Variants in NEGR1 observed in about 807,000 individuals in gnomAD.
NEGR1 encodes the protein neuronal growth regulator 1.
NEGR1 carries 10 observed loss-of-function variants against 40.9 expected under a neutral mutation model. That is an observed-to-expected ratio of 0.24 (90% CI 0.15 to 0.42). The LOEUF is 0.42. Among genes scored for constraint, NEGR1 ranks in the 10% least tolerant of loss-of-function variants. The probability of loss-of-function intolerance (pLI) is 1.00; values close to 1 mark genes in which losing one functional copy is unlikely to be tolerated. For synonymous variants in NEGR1, 185 were observed against 166.8 expected (o/e 1.11, Z -0.84); for missense variants, 352 against 438.9 (o/e 0.80, Z 1.77).
At chr1:72,082,521 T>C (rs1370828590) in intron 1 of NEGR1, among the ~76,000 whole-genome samples, 2 of 152,132 alleles carry the variant, frequency 1.3e-5, no homozygotes, top group South Asian at 2.1e-4. Context: ...AGTTACATTA[T>C]CTGAGGACAC....
chr1:71,611,851 T>C (rs1045300190), intron 4 of NEGR1, among the ~76,000 whole-genome samples: 3 of 152,202 alleles, frequency 2.0e-5, no homozygotes, highest in African/African-American at 7.2e-5. Context: ...TCCCTATTGC[T>C]CTAGCTGGAA....
At chr1:71,984,938 A>G (rs977956894) in intron 1 of NEGR1, among the ~76,000 whole-genome samples, 2 of 152,188 alleles carry the variant, frequency 1.3e-5, no homozygotes, top group Non-Finnish European at 2.9e-5. Flanking sequence ...TACATATATT[A>G]TAAATAAATA....
At chr1:71,524,242 T>TA (rs1647189109) in intron 6 of NEGR1, among the ~76,000 whole-genome samples, 2 of 151,664 alleles carry the variant, frequency 1.3e-5, no homozygotes, top group South Asian at 2.1e-4. Context: ...TATAGATGCC[T>TA]TCTCTAACTA....
intron 1 of NEGR1, among the ~76,000 whole-genome samples, chr1:72,120,618 T>C (rs1649764157): frequency 6.6e-6 from 1 of 152,008 alleles, no homozygotes. Context: ...CACTAACTCG[T>C]CATCTAGCAT....
intron 5 of NEGR1, among the ~76,000 whole-genome samples, chr1:71,602,728 T>G (rs1649965412): frequency 2.0e-5 from 3 of 152,188 alleles, no homozygotes; most frequent in African/African-American, 4.8e-5. Context: ...TTTTCTTACT[T>G]AGTACTTATT....
At chr1:71,600,431 C>A (rs1367491633) in intron 5 of NEGR1, among the ~76,000 whole-genome samples, 1 of 152,082 alleles carries the variant, frequency 6.6e-6, no homozygotes, top group Non-Finnish European at 1.5e-5. Flanking sequence ...TGAAGAGCTC[C>A]CTCCCAGGTA....
intron 1 of NEGR1, among the ~76,000 whole-genome samples, chr1:72,170,989 A>G (rs907913502): frequency 7.9e-5 from 12 of 152,186 alleles, no homozygotes; most frequent in Non-Finnish European, 1.5e-5. Context: ...TAGATGAGAC[A>G]GAAAGGTTAC....
intron 1 of NEGR1, among the ~76,000 whole-genome samples, chr1:72,245,605 A>C (rs1284386230): frequency 2.0e-5 from 3 of 152,206 alleles, no homozygotes; most frequent in Non-Finnish European, 4.4e-5. Context: ...ATAGAAGAAT[A>C]ATATTTTTGG....
intron 6 of NEGR1, among the ~76,000 whole-genome samples, chr1:71,420,671 C>T (rs1646388417): frequency 6.6e-6 from 1 of 151,992 alleles, no homozygotes; most frequent in South Asian, 2.1e-4. Flanking sequence ...CCAGAAGACA[C>T]TCAAGTCTGG....
intron 1 of NEGR1, among the ~76,000 whole-genome samples, chr1:72,196,772 A>AT (rs1448264016): frequency 2.8e-4 from 43 of 151,850 alleles, no homozygotes; most frequent in African/African-American, 1.0e-3. Flanking sequence ...TAAAAAAAAA[A>AT]AAAAATCACT....
intron 1 of NEGR1, among the ~76,000 whole-genome samples, chr1:72,192,438 A>G (rs1216703526): frequency 2.6e-5 from 4 of 151,958 alleles, no homozygotes; most frequent in Non-Finnish European, 5.9e-5. Flanking sequence ...AATATACTCT[A>G]GGAACAACAT....
intron 2 of NEGR1, among the ~76,000 whole-genome samples, chr1:71,896,035 CTTTT>C (rs71074810): frequency 2.3e-3 from 253 of 111,182 alleles, no homozygotes; most frequent in Non-Finnish European, 3.1e-3. Flanking sequence ...TAACGTTTAA[CTTTT>C]TTTTTTTTTT....
intron 3 of NEGR1, among the ~76,000 whole-genome samples, chr1:71,754,166 G>A (rs1655657577): frequency 1.3e-5 from 2 of 152,146 alleles, no homozygotes; most frequent in Non-Finnish European, 2.9e-5. Context: ...GCAGAGCTGA[G>A]GAAGTGGAGT....
At chr1:72,115,409 C>T (rs1348457338) in intron 1 of NEGR1, among the ~76,000 whole-genome samples, 2 of 151,654 alleles carry the variant, frequency 1.3e-5, no homozygotes, top group African/African-American at 4.8e-5. Context: ...TCTTTTTAAT[C>T]CCTACAATTG....
chr1:72,042,298 C>G (rs921160364), intron 1 of NEGR1, among the ~76,000 whole-genome samples: 1 of 151,694 alleles, frequency 6.6e-6, no homozygotes, highest in East Asian at 1.9e-4. Context: ...GGATAGAAAG[C>G]CAGCCTGGGA....
At chr1:71,953,538 A>G (rs951869940) in intron 1 of NEGR1, among the ~76,000 whole-genome samples, 1 of 152,038 alleles carries the variant, frequency 6.6e-6, no homozygotes, top group Non-Finnish European at 1.5e-5. Flanking sequence ...TGATAAAACA[A>G]CAACAGGATT....
At chr1:71,693,411 G>A (rs1025307778) in intron 4 of NEGR1, among the ~76,000 whole-genome samples, 1 of 151,608 alleles carries the variant, frequency 6.6e-6, no homozygotes, top group African/African-American at 2.4e-5. Context: ...ACCTTTTTAT[G>A]GACCAGGTAC....
intron 2 of NEGR1, among the ~76,000 whole-genome samples, chr1:71,920,511 A>G (rs1645707588): frequency 6.6e-6 from 1 of 152,116 alleles, no homozygotes; most frequent in Non-Finnish European, 1.5e-5. Context: ...TGTGCCCTAT[A>G]TATACATCTG....
At chr1:72,229,411 A>C (rs1421574097) in intron 1 of NEGR1, among the ~76,000 whole-genome samples, 1 of 148,714 alleles carries the variant, frequency 6.7e-6, no homozygotes, top group East Asian at 1.9e-4. Context: ...AGGTATCAAT[A>C]GCACATTCTA....
Sources: gnomAD v4.1 joint callset for allele counts (sites outside exome capture counted in the v4.1 genomes callset) on GRCh38, gnomAD v4.1.1 for gene constraint, MANE v1.5 for transcripts, NCBI Gene and HGNC (gene_info 2026-07-23, HGNC 2026-07-21) for gene names.